The following ESRRG variants were observed in gnomAD, a reference collection of about 807,000 sequenced individuals.
ESRRG encodes the protein estrogen-related receptor gamma.
ESRRG carries 13 observed loss-of-function variants against 44.0 expected under a neutral mutation model. That is an observed-to-expected ratio of 0.30 (90% CI 0.19 to 0.47). The LOEUF is 0.47. ESRRG is among the 20% of genes least tolerant of loss of function. The pLI, the probability that ESRRG is intolerant of heterozygous loss-of-function variation, is 1.00. For synonymous variants in ESRRG, 215 were observed against 214.6 expected, an observed-to-expected ratio of 1.00 and a Z score of -0.02; for missense variants, 395 against 580.6, an observed-to-expected ratio of 0.68 and a Z score of 3.29.
intron 2 of ESRRG, among the ~76,000 whole-genome samples, chr1:216,821,611 G>T (rs2095289652): frequency 2.0e-5 from 3 of 150,494 alleles, no homozygotes; most frequent in Non-Finnish European, 4.4e-5. Context: ...CTTGTGCCCA[G>T]GAGTTTGAGG....
intron 3 of ESRRG, among the ~76,000 whole-genome samples, chr1:216,611,410 T>A (rs2060649163): frequency 6.6e-6 from 1 of 152,088 alleles, no homozygotes; most frequent in Non-Finnish European, 1.5e-5. Flanking sequence ...AGTCATTAGA[T>A]ACAAAATCTT....
intron 3 of ESRRG, among the ~76,000 whole-genome samples, chr1:216,595,311 G>A (rs1399995218): frequency 6.6e-6 from 1 of 152,094 alleles, no homozygotes; most frequent in Non-Finnish European, 1.5e-5. Flanking sequence ...TAAGAACTCA[G>A]GTTAGCTCAA....
At chr1:216,552,962 T>C (rs2056744541) in intron 5 of ESRRG, among the ~76,000 whole-genome samples, 1 of 152,202 alleles carries the variant, frequency 6.6e-6, no homozygotes, top group African/African-American at 2.4e-5. Context: ...TCCATGTTTT[T>C]CCGCAAAAGA....
intron 2 of ESRRG, among the ~76,000 whole-genome samples, chr1:216,811,712 T>A (rs1384045853): frequency 6.6e-6 from 1 of 152,078 alleles, no homozygotes; most frequent in Non-Finnish European, 1.5e-5. Flanking sequence ...CACGCTAGAA[T>A]AAATTGTGCA....
chr1:216,520,573 T>C (rs1217928193), intron 5 of ESRRG, among the ~76,000 whole-genome samples: 3 of 152,160 alleles, frequency 2.0e-5, no homozygotes, highest in African/African-American at 7.2e-5. Flanking sequence ...AAAGTGAAGA[T>C]ACCTGATGAT....
intron 2 of ESRRG, among the ~76,000 whole-genome samples, chr1:216,912,125 GA>G (rs1489200111): frequency 1.2e-4 from 2 of 16,148 alleles, no homozygotes; most frequent in Admixed American, 9.4e-4. Context: ...GAAAAGAAAA[GA>G]AAAGAAAAGA....
intron 1 of ESRRG, among the ~76,000 whole-genome samples, chr1:217,025,015 A>G (rs1416534): frequency 0.11 from 16,337 of 152,126 alleles, 2,391 homozygotes; most frequent in African/African-American, 0.33. Flanking sequence ...CAGCACCAGG[A>G]CTGTGGAGCC....
At chr1:216,606,127 T>C (rs551665865) in intron 3 of ESRRG, among the ~76,000 whole-genome samples, 1 of 152,320 alleles carries the variant, frequency 6.6e-6, no homozygotes, top group Admixed American at 6.5e-5. Flanking sequence ...GTTCCTTCAC[T>C]GCCCACCCCC....
intron 2 of ESRRG, among the ~76,000 whole-genome samples, chr1:216,826,803 G>A (rs928913591): frequency 1.3e-5 from 2 of 152,136 alleles, no homozygotes; most frequent in Non-Finnish European, 2.9e-5. Context: ...CTGGACTTTG[G>A]TTCAGAAAGG....
chr1:216,732,110 TAAAAAAAGAAAATA>T (rs145091514), intron 2 of ESRRG, among the ~76,000 whole-genome samples: 21,025 of 136,664 alleles, frequency 0.15, 1,522 homozygotes, highest in Middle Eastern at 0.24. Flanking sequence ...AAATAAAAAA[TAAAAAAAGAAAATA>T]AAAAAAAGAA....
intron 1 of ESRRG, among the ~76,000 whole-genome samples, chr1:216,978,293 T>C (rs181201983): frequency 1.3e-5 from 2 of 152,302 alleles, no homozygotes. Context: ...CTAAAGCTAC[T>C]TTTGCACTAT....
At chr1:216,574,422 T>C (rs781445717) in intron 3 of ESRRG, among the ~76,000 whole-genome samples, 3 of 152,290 alleles carry the variant, frequency 2.0e-5, no homozygotes, top group Non-Finnish European at 4.4e-5. Flanking sequence ...TTAGGTCAGC[T>C]AATTTTGAGA....
intron 1 of ESRRG, among the ~76,000 whole-genome samples, chr1:216,981,305 T>C (rs887616932): frequency 4.6e-5 from 7 of 152,198 alleles, no homozygotes; most frequent in Admixed American, 3.9e-4. Flanking sequence ...TCAAAGAACG[T>C]AATCTAATAC....
intron 2 of ESRRG, among the ~76,000 whole-genome samples, chr1:216,841,816 C>T (rs2095658243): frequency 6.6e-6 from 1 of 152,012 alleles, no homozygotes; most frequent in African/African-American, 2.4e-5. Flanking sequence ...ATAGAGCAAT[C>T]TTTACTTCCT....
upstream of ESRRG, chr1:216,723,560 G>A: frequency 4.0e-6 from 2 of 497,046 alleles, no homozygotes; most frequent in South Asian, 5.1e-5. Context: ...CAGGAGGGAG[G>A]CGACGGGAGG....
At chr1:217,059,534 T>C (rs1274105070) in intron 1 of ESRRG, among the ~76,000 whole-genome samples, 3 of 152,248 alleles carry the variant, frequency 2.0e-5, no homozygotes, top group South Asian at 2.1e-4. Context: ...AATTGCTCCA[T>C]GGCAGGAGAG....
At chr1:216,601,552 G>A (rs921916537) in intron 3 of ESRRG, among the ~76,000 whole-genome samples, 4 of 152,156 alleles carry the variant, frequency 2.6e-5, no homozygotes, top group Admixed American at 6.5e-5. Flanking sequence ...ATAAGCAAGG[G>A]GGTGCCCTTA....
At chr1:216,906,148 A>G (rs2059665648) in intron 2 of ESRRG, among the ~76,000 whole-genome samples, 2 of 152,194 alleles carry the variant, frequency 1.3e-5, no homozygotes, top group African/African-American at 2.4e-5. Flanking sequence ...CTTAAACTTG[A>G]CATTTCAGAC....
At chr1:216,911,682 C>G (rs1338970742) in intron 2 of ESRRG, among the ~76,000 whole-genome samples, 1 of 151,706 alleles carries the variant, frequency 6.6e-6, no homozygotes, top group East Asian at 1.9e-4. Flanking sequence ...GCAGGCTGTG[C>G]TAGTGTCAGG....
Sources: allele counts gnomAD v4.1 joint callset (sites outside exome capture counted in the v4.1 genomes callset), GRCh38; gene constraint gnomAD v4.1.1; transcripts MANE v1.5; gene names NCBI Gene and HGNC (gene_info 2026-07-23, HGNC 2026-07-21).